SGCD: variants seen among roughly 807,000 people sequenced by gnomAD.
The protein encoded by SGCD is delta-sarcoglycan.
A neutral mutation model predicts 36.6 loss-of-function variants in SGCD; 18 were observed. That is an observed-to-expected ratio of 0.49 (90% CI 0.34 to 0.73). The LOEUF is 0.73. Among genes scored for constraint, SGCD ranks in the 30% least tolerant of loss-of-function variants. SGCD has a pLI of 0.01. For synonymous variants in SGCD, 133 were observed against 130.6 expected (o/e 1.02, Z -0.12); for missense variants, 387 against 346.7 (o/e 1.12, Z -0.92).
At chr5:156,334,604 A>ATTTTC (rs1455709524) in intron 2 of SGCD, among the ~76,000 whole-genome samples, 24 of 54,384 alleles carry the variant, frequency 4.4e-4, no homozygotes, top group Admixed American at 1.4e-3. Flanking sequence ...CTGCTGGTCT[A>ATTTTC]TTTTCTTTTT....
the SGCD span, among the ~76,000 whole-genome samples, chr5:155,846,432 T>C: frequency 6.6e-6 from 1 of 152,198 alleles, no homozygotes; most frequent in Non-Finnish European, 1.5e-5. Context: ...CTCTGAGTTA[T>C]ATGTGTTTGC....
chr5:155,893,368 A>G (rs1007107602), intron 1 of SGCD, among the ~76,000 whole-genome samples: 2 of 152,210 alleles, frequency 1.3e-5, no homozygotes, highest in African/African-American at 4.8e-5. Context: ...ACCTATTGTA[A>G]ACTCTGTTCT....
chr5:155,828,248 C>A, the SGCD span, among the ~76,000 whole-genome samples: 1 of 152,082 alleles, frequency 6.6e-6, no homozygotes, highest in African/African-American at 2.4e-5. Context: ...GTCACCCTCA[C>A]AATAATGCCA....
rs527258818 is a variant in SGCD, at chr5:156,458,405, G to A, written c.193-50196G>A. 1.9e-5 allele frequency: 31 copies of A among 1,589,954 alleles called. No individual in the cohort carries two copies. The Admixed American group carries it at 2.7e-4, about 14-fold the overall frequency. ...CCAAAAAGGAAAACTTACTGTTGAT[G>A]TGATCGATGTAGTAGACACCAATCT... On this transcript the variant is annotated intron_variant, in intron 3 of 8. Transcript: ENST00000337851.
intron 1 of SGCD, among the ~76,000 whole-genome samples, chr5:155,875,838 C>T (rs112593933): frequency 6.6e-6 from 1 of 151,862 alleles, no homozygotes; most frequent in Non-Finnish European, 1.5e-5. Flanking sequence ...ATGATGACAC[C>T]TTTTGGAGGA....
chr5:155,952,948 A>G (rs1022574602), intron 1 of SGCD, among the ~76,000 whole-genome samples: 4 of 152,214 alleles, frequency 2.6e-5, no homozygotes, highest in African/African-American at 9.6e-5. Flanking sequence ...TCATGTTATC[A>G]TTTAGCTTTG....
intron 3 of SGCD, among the ~76,000 whole-genome samples, chr5:156,470,381 T>C (rs944374741): frequency 1.3e-5 from 2 of 152,138 alleles, no homozygotes; most frequent in Non-Finnish European, 2.9e-5. Context: ...TTAGGGTAGA[T>C]GTGCACAATG....
At chr5:156,409,243 C>A (rs1211545210) in intron 3 of SGCD, among the ~76,000 whole-genome samples, 2 of 151,942 alleles carry the variant, frequency 1.3e-5, no homozygotes, top group Non-Finnish European at 2.9e-5. Flanking sequence ...TTTTTCCTTC[C>A]TTTCCTTAAT....
intron 5 of SGCD, among the ~76,000 whole-genome samples, chr5:156,592,362 T>G (rs1760758690): frequency 6.6e-6 from 1 of 152,154 alleles, no homozygotes; most frequent in Non-Finnish European, 1.5e-5. Context: ...GTAATAACCC[T>G]AAAGCACTGA....
At chr5:155,729,273 C>T in the SGCD span, among the ~76,000 whole-genome samples, 1 of 152,212 alleles carries the variant, frequency 6.6e-6, no homozygotes, top group African/African-American at 2.4e-5. Flanking sequence ...CAGCCGCCCG[C>T]GCGTTAAGCT....
intron 1 of SGCD, among the ~76,000 whole-genome samples, chr5:156,093,704 G>A (rs899895366): frequency 1.3e-5 from 2 of 152,162 alleles, no homozygotes; most frequent in Admixed American, 1.3e-4. Context: ...TGGTCTCAGA[G>A]AGACCCTGAG....
intron 3 of SGCD, among the ~76,000 whole-genome samples, chr5:156,392,823 GT>G (rs1381840489): frequency 1.6e-4 from 25 of 152,220 alleles, no homozygotes; most frequent in Middle Eastern, 3.4e-3. Context: ...CATTCTGCTG[GT>G]CGGTGGCCTG....
chr5:156,298,026 A>T (rs1028229002), intron 3 of SGCD, among the ~76,000 whole-genome samples: 2 of 152,032 alleles, frequency 1.3e-5, no homozygotes, highest in African/African-American at 4.8e-5. Flanking sequence ...ATGAGTGAAA[A>T]TATGCAAAGT....
chr5:156,286,315 C>T (rs1345663105), intron 3 of SGCD, among the ~76,000 whole-genome samples: 1 of 152,134 alleles, frequency 6.6e-6, no homozygotes, highest in Non-Finnish European at 1.5e-5. Flanking sequence ...CCAGCCATCC[C>T]ATTACTGGGT....
At chr5:156,611,029 G>A (rs188209720) in intron 6 of SGCD, among the ~76,000 whole-genome samples, 20 of 152,272 alleles carry the variant, frequency 1.3e-4, no homozygotes, top group Admixed American at 9.8e-4. Flanking sequence ...GCTCATGCTC[G>A]GTGTGCTGCA....
intron 6 of SGCD, among the ~76,000 whole-genome samples, chr5:156,620,301 A>G (rs751751491): frequency 1.4e-4 from 22 of 152,230 alleles, no homozygotes; most frequent in Non-Finnish European, 2.4e-4. Context: ...ATTACTGTTG[A>G]ACACCATTTG....
At chr5:155,797,915 A>C in the SGCD span, among the ~76,000 whole-genome samples, 5 of 152,242 alleles carry the variant, frequency 3.3e-5, no homozygotes, top group Admixed American at 2.6e-4. Context: ...CCATCATACC[A>C]GTGAGATTGT....
At chr5:156,197,132 A>G (rs1328423134) in intron 3 of SGCD, among the ~76,000 whole-genome samples, 2 of 152,198 alleles carry the variant, frequency 1.3e-5, no homozygotes, top group East Asian at 3.8e-4. Context: ...TTTACTGTAA[A>G]TAAATCTTCG....
chr5:156,143,411 G>A (rs1193685147), intron 3 of SGCD, among the ~76,000 whole-genome samples: 2 of 152,194 alleles, frequency 1.3e-5, no homozygotes, highest in African/African-American at 4.8e-5. Context: ...TCCCCACTGG[G>A]GCACTGCCTA....
Sources: gnomAD v4.1 joint callset for allele counts (sites outside exome capture counted in the v4.1 genomes callset) on GRCh38, gnomAD v4.1.1 for gene constraint, MANE v1.5 for transcripts, NCBI Gene and HGNC (gene_info 2026-07-23, HGNC 2026-07-21) for gene names.